The following ASPH variants were observed in gnomAD, a reference collection of about 807,000 sequenced individuals.
The protein encoded by ASPH is aspartyl/asparaginyl beta-hydroxylase.
In ASPH, 100 loss-of-function variants were observed where a neutral mutation model predicts 118.4. The ratio of observed to expected loss-of-function variants is 0.84; its 90% CI spans 0.72 to 1.00. The LOEUF (loss-of-function observed/expected upper bound fraction) is 1.00. Ranked by LOEUF, ASPH falls within the 50% of genes least tolerant of loss-of-function variation. ASPH has a pLI of 0.00. For synonymous variants in ASPH, 315 were observed against 325.6 expected, an observed-to-expected ratio of 0.97 and a Z score of 0.35; for missense variants, 920 against 919.5, an observed-to-expected ratio of 1.00 and a Z score of -0.01.
intron 1 of ASPH, among the ~76,000 whole-genome samples, chr8:61,704,220 A>C (rs1203969635): frequency 6.7e-6 from 1 of 148,554 alleles, no homozygotes; most frequent in African/African-American, 2.5e-5. Context: ...AAAAAAAAAA[A>C]AAAAAAAAAA....
intron 5 of ASPH, among the ~76,000 whole-genome samples, chr8:61,647,701 T>A (rs1808736708): frequency 6.6e-6 from 1 of 151,792 alleles, no homozygotes; most frequent in African/African-American, 2.4e-5. Context: ...TTAAATTAAA[T>A]TAAAAATAAA....
intron 14 of ASPH, among the ~76,000 whole-genome samples, chr8:61,617,254 G>C (rs1254341675): frequency 1.3e-5 from 2 of 152,136 alleles, no homozygotes; most frequent in Non-Finnish European, 2.9e-5. Flanking sequence ...GTGATTAATG[G>C]TCAAGGAGAT....
chr8:61,661,948 C>A, intron 3 of ASPH: 2 of 446,042 alleles, frequency 4.5e-6, no homozygotes, highest in Middle Eastern at 3.0e-4. Flanking sequence ...AATTGAAAGA[C>A]TTGTTTAAAA....
At chr8:61,664,977 A>G (rs1818796936) in intron 3 of ASPH, 3 of 1,164,702 alleles carry the variant, frequency 2.6e-6, no homozygotes, top group Non-Finnish European at 2.1e-6. Flanking sequence ...TAATCCATAA[A>G]AATTCATGAT....
chr8:61,562,988 C>A (rs1830517250), intron 17 of ASPH, 108 bp from the exon 18 acceptor site: 4 of 1,156,312 alleles, frequency 3.5e-6, no homozygotes, highest in African/African-American at 3.2e-5. Flanking sequence ...TGAGAACCAG[C>A]TCAAATCTGG....
chr8:61,619,953 A>C (rs1458938848), intron 13 of ASPH, among the ~76,000 whole-genome samples: 1 of 152,188 alleles, frequency 6.6e-6, no homozygotes, highest in East Asian at 1.9e-4. Flanking sequence ...AAGCTGCAAG[A>C]GGATGTCGGT....
At position 61,562,868 on chromosome 8, in the gene ASPH, C is replaced by A; in HGVS notation, c.1313G>T (p.Gly438Val). ...TAATCTCTGCAGGGTAAGCAGGGAACCTCTCATATGACCTGAGTAGGTGGG... is the reference window on the plus strand; with the variant it reads ...TAATCTCTGCAGGGTAAGCAGGGAAACTCTCATATGACCTGAGTAGGTGGG... ...DRQQFLGHMR[G>V]SLLTLQRLVQ... is the part of the protein sequence containing the mutation. Residue 438 changes from glycine to valine, a missense_variant, in exon 18 of 25, where the codon GGT becomes GTT. Gly to Val is a moderately radical substitution (Grantham distance 109). Transcript: ENST00000379454. The A allele has an allele frequency of 1.2e-6, 2 of 1,602,150 alleles. No homozygotes were observed. The highest frequency in any genetic ancestry group is 1.7e-6 in the Non-Finnish European group (2 of 1,175,826).
chr8:61,679,979 C>A, intron 3 of ASPH, among the ~76,000 whole-genome samples: 2 of 147,334 alleles, frequency 1.4e-5, no homozygotes. Flanking sequence ...CAACACAGGT[C>A]AACATTAGGA....
At chr8:61,580,948 C>A (rs1587601749) in intron 15 of ASPH, among the ~76,000 whole-genome samples, 2 of 152,148 alleles carry the variant, frequency 1.3e-5, no homozygotes, top group Admixed American at 6.5e-5. Flanking sequence ...CTAGTATGCA[C>A]CCCATGCAAC....
At chr8:61,525,901 A>G (rs1189921181) in intron 22 of ASPH, 76 bp downstream of exon 22, 2 of 1,552,544 alleles carry the variant, frequency 1.3e-6, no homozygotes, top group Admixed American at 1.9e-5. Context: ...GGGAAGCATC[A>G]CCAGAAGACT....
At position 61,506,763 on chromosome 8, in the gene ASPH, GA is replaced by G. The variant is rs1476467483; in HGVS notation, c.2127-3255del. 1.8e-4 allele frequency among the ~76,000 whole-genome samples: 27 copies of G among 152,248 alleles called. No homozygotes were observed. The East Asian group carries it at 4.8e-3, about 27-fold the overall frequency. On this transcript the variant is annotated intron_variant, in intron 24 of 24. Coordinates refer to ENST00000379454, the MANE Select transcript of ASPH (RefSeq NM_004318.4). ...AAATGAAAATATAAAGAAAAATAGG[GA>G]AAAGATAAAAGACAGAGGTGAAATG... is the stretch of plus-strand genomic sequence containing the variant.
chr8:61,651,111 G>A lies in ASPH; in HGVS notation c.429C>T (p.Ile143=), dbSNP rs780540520. 6.2e-6 allele frequency: 10 copies of A among 1,613,390 alleles called. No individual in the cohort carries two copies. The East Asian group carries it at 1.3e-4, about 22-fold the overall frequency. The part of the protein sequence containing the change: ...QVPVEAEPQN[I]EDEAKEQIQS... Reference sequence around the variant, plus strand: ...GAATTTGTTCTTTTGCTTCATCTTCGATATTCTGGGGTTCTAAAATAATTG... The same window carrying A: ...GAATTTGTTCTTTTGCTTCATCTTCAATATTCTGGGGTTCTAAAATAATTG... Residue 143 remains isoleucine, a synonymous_variant, in exon 5 of 25, where the codon ATC becomes ATT. Coordinates refer to ENST00000379454, the MANE Select transcript of ASPH (RefSeq NM_004318.4).
intron 3 of ASPH, chr8:61,663,001 A>G (rs1185642110): frequency 2.0e-5 from 20 of 985,340 alleles, no homozygotes; most frequent in Non-Finnish European, 1.8e-5. Flanking sequence ...AAATTCACTT[A>G]TAATTGTTTG....
At chr8:61,521,804 A>G (rs149245030) in intron 22 of ASPH, among the ~76,000 whole-genome samples, 410 of 152,354 alleles carry the variant, frequency 2.7e-3, no homozygotes, top group African/African-American at 9.4e-3. Flanking sequence ...CTTCTTACAC[A>G]TGAATATACT....
At chr8:61,697,961 G>C (rs7012401) in intron 1 of ASPH, among the ~76,000 whole-genome samples, 22,186 of 145,964 alleles carry the variant, frequency 0.15, 1,617 homozygotes, top group African/African-American at 0.19. Context: ...CAGCTAATTA[G>C]AAAAAAAAAA....
In ASPH at chr8:61,576,865, G is replaced by T; in HGVS notation, c.1063-7C>A. 1 of 1,595,388 alleles carries T rather than the reference G, an allele frequency of 6.3e-7. No individual in the cohort carries two copies. Among genetic ancestry groups the T allele is most frequent in the Non-Finnish European group, 8.6e-7 (1 of 1,167,796 alleles). On this transcript the variant is annotated splice_polypyrimidine_tract_variant and splice_region_variant and intron_variant, in intron 15 of 24. Transcript: ENST00000379454. ...CTGCTTCCTCAATTTTTCCCTGTTA[G>T]AAAGACAAAATTACATAAATAAAAT...
chr8:61,703,683 T>C (rs1359406429), intron 1 of ASPH, among the ~76,000 whole-genome samples: 1 of 152,166 alleles, frequency 6.6e-6, no homozygotes, highest in Non-Finnish European at 1.5e-5. Flanking sequence ...ATCACTGTGA[T>C]TAATGCTCCC....
chr8:61,539,143 A>G (rs898499991), intron 21 of ASPH, among the ~76,000 whole-genome samples: 7 of 152,166 alleles, frequency 4.6e-5, no homozygotes, highest in African/African-American at 1.7e-4. Flanking sequence ...TGGGAGGTAG[A>G]GGCATGAGAA....
Position 61,714,254 on chromosome 8 carries a change from C to A in ASPH, c.103+15G>T, listed in dbSNP as rs1049846772. On this transcript the variant is annotated intron_variant, in intron 1 of 24. Coordinates refer to ENST00000379454, the MANE Select transcript of ASPH (RefSeq NM_004318.4). ...GAGGCGAGGCCCCAGATCCCCGCCCCGCAGGGCCTCTGACCTCTCCGGGCC... is the reference window on the plus strand; with the variant it reads ...GAGGCGAGGCCCCAGATCCCCGCCCAGCAGGGCCTCTGACCTCTCCGGGCC... 13 of 1,489,294 alleles carry A rather than the reference C, an allele frequency of 8.7e-6. No homozygotes were observed. Among genetic ancestry groups the A allele is most frequent in the Non-Finnish European group, 1.2e-5 (13 of 1,122,824 alleles). The allele number at this position is 1,489,294 out of a possible 1,614,324, so 92.3% of individuals were successfully genotyped here.
Sources: allele counts gnomAD v4.1 joint callset (sites outside exome capture counted in the v4.1 genomes callset), GRCh38; gene constraint gnomAD v4.1.1; transcripts MANE v1.5; gene names NCBI Gene and HGNC (gene_info 2026-07-23, HGNC 2026-07-21).